Variants in MALRD1 observed in about 807,000 individuals in gnomAD.
MALRD1 encodes MAM and LDL-receptor class A domain-containing protein 1.
In MALRD1, 247 loss-of-function variants were observed where a neutral mutation model predicts 242.1. The ratio of observed to expected loss-of-function variants is 1.02; its 90% CI spans 0.92 to 1.13. The LOEUF (loss-of-function observed/expected upper bound fraction) is 1.13, where lower values mean the gene tolerates loss of function less well. MALRD1 is among the 50% of genes most tolerant of loss of function. The pLI, the probability that MALRD1 is intolerant of heterozygous loss-of-function variation, is 0.00. For synonymous variants in MALRD1, 995 were observed against 866.6 expected (o/e 1.15, Z -2.60); for missense variants, 2,989 against 2,533.1 (o/e 1.18, Z -3.86).
chr10:19,527,890 A>G (rs1589198232), intron 31 of MALRD1, among the ~76,000 whole-genome samples: 1 of 152,328 alleles, frequency 6.6e-6, no homozygotes, highest in East Asian at 1.9e-4. Flanking sequence ...GTAAAAGGCA[A>G]CAGAATGTGG....
chr10:19,357,447 A>C (rs893573505), intron 26 of MALRD1, among the ~76,000 whole-genome samples: 12 of 152,032 alleles, frequency 7.9e-5, no homozygotes, highest in Non-Finnish European at 2.9e-5. Context: ...TGGTGTAAAC[A>C]TTTGACAGTA....
chr10:19,493,110 A>G (rs1837561838), intron 30 of MALRD1: 1 of 152,094 alleles, frequency 6.6e-6, no homozygotes, highest in South Asian at 2.1e-4. Flanking sequence ...CTCTAGAACT[A>G]TTTTCATCCA....
chr10:19,063,741 A>C (rs1332973946), intron 1 of MALRD1, among the ~76,000 whole-genome samples: 1 of 150,704 alleles, frequency 6.6e-6, no homozygotes, highest in African/African-American at 2.4e-5. Flanking sequence ...GGAATTGAAG[A>C]ATGAGAACAC....
At chr10:19,551,914 C>T (rs1029026947) in intron 32 of MALRD1, among the ~76,000 whole-genome samples, 14 of 152,208 alleles carry the variant, frequency 9.2e-5, no homozygotes, top group African/African-American at 2.2e-4. Flanking sequence ...GTATGTTGAA[C>T]GAACCTTGCA....
At chr10:19,335,581 G>T (rs1374933194) in intron 24 of MALRD1, among the ~76,000 whole-genome samples, 2 of 152,076 alleles carry the variant, frequency 1.3e-5, no homozygotes, top group Non-Finnish European at 2.9e-5. Flanking sequence ...CATAGAAAAT[G>T]ATTTCAAAAG....
chr10:19,401,827 A>G (rs1846860853), intron 28 of MALRD1, among the ~76,000 whole-genome samples: 1 of 59,310 alleles, frequency 1.7e-5, no homozygotes, highest in East Asian at 6.2e-4. Context: ...ATCAAAAGAG[A>G]GTTATTTAAT....
intron 1 of MALRD1, among the ~76,000 whole-genome samples, chr10:19,050,536 T>G (rs1162094229): frequency 6.6e-6 from 1 of 152,222 alleles, no homozygotes; most frequent in African/African-American, 2.4e-5. Flanking sequence ...AGAAGAGTGA[T>G]TACTGAAGAA....
chr10:19,411,341 G>C (rs1833269282), intron 28 of MALRD1, among the ~76,000 whole-genome samples: 1 of 152,154 alleles, frequency 6.6e-6, no homozygotes, highest in African/African-American at 2.4e-5. Context: ...GCAGCAGCTA[G>C]CATTTCCCTG....
At chr10:19,242,880 T>C (rs1259068965) in intron 18 of MALRD1, among the ~76,000 whole-genome samples, 1 of 152,102 alleles carries the variant, frequency 6.6e-6, no homozygotes, top group Non-Finnish European at 1.5e-5. Flanking sequence ...AATCCATTCA[T>C]CCACTTTATA....
chr10:19,155,725 G>C (rs867808296), intron 12 of MALRD1, among the ~76,000 whole-genome samples: 5 of 152,112 alleles, frequency 3.3e-5, no homozygotes, highest in African/African-American at 9.7e-5. Context: ...TTGAGACGCA[G>C]TGTCTACACC....
chr10:19,107,697 G>T (rs1162731192), intron 5 of MALRD1, among the ~76,000 whole-genome samples: 1 of 150,818 alleles, frequency 6.6e-6, no homozygotes, highest in Non-Finnish European at 1.5e-5. Context: ...TTATTTTGTA[G>T]AAATTTGTTT....
At chr10:19,053,143 G>T (rs1258564977) in intron 1 of MALRD1, among the ~76,000 whole-genome samples, 1 of 152,152 alleles carries the variant, frequency 6.6e-6, no homozygotes, top group African/African-American at 2.4e-5. Flanking sequence ...AAGGTGAAAA[G>T]AATAGTCACC....
At chr10:19,101,760 A>G (rs1836267994) in intron 4 of MALRD1, among the ~76,000 whole-genome samples, 1 of 136,130 alleles carries the variant, frequency 7.3e-6, no homozygotes, top group Non-Finnish European at 1.5e-5. Flanking sequence ...TATATATTAT[A>G]ATATGTATAT....
At chr10:19,334,119 G>GTTGTT (rs1843502881) in intron 24 of MALRD1, among the ~76,000 whole-genome samples, 1 of 66,790 alleles carries the variant, frequency 1.5e-5, no homozygotes, top group African/African-American at 6.1e-5. Flanking sequence ...CTGTTGGTAG[G>GTTGTT]TTTTTTTTTT....
chr10:19,458,868 GT>G (rs1382790466), intron 29 of MALRD1, among the ~76,000 whole-genome samples: 1 of 150,480 alleles, frequency 6.6e-6, no homozygotes, highest in East Asian at 2.0e-4. Flanking sequence ...TAGCCAACTT[GT>G]TTTTTAGATA....
At chr10:19,205,311 G>A in intron 17 of MALRD1, 46 bp downstream of exon 17, 1 of 1,488,256 alleles carries the variant, frequency 6.7e-7, no homozygotes, top group East Asian at 2.5e-5. Context: ...TTTTGAAAGT[G>A]TTGACCTTGA....
intron 19 of MALRD1, among the ~76,000 whole-genome samples, chr10:19,278,883 CAAATGATATAATAAGT>C (rs1234661164): frequency 6.6e-6 from 1 of 152,050 alleles, no homozygotes; most frequent in East Asian, 1.9e-4. Context: ...ATATAATAAG[CAAATGATATAATAAGT>C]AAATTGCAAT....
At chr10:19,565,800 G>A (rs1564445315) in intron 32 of MALRD1, among the ~76,000 whole-genome samples, 1 of 152,126 alleles carries the variant, frequency 6.6e-6, no homozygotes, top group Non-Finnish European at 1.5e-5. Flanking sequence ...CTTGAGAAAT[G>A]TCTTGAGAAG....
intron 21 of MALRD1, among the ~76,000 whole-genome samples, chr10:19,312,573 A>G (rs185565982): frequency 6.6e-6 from 1 of 151,338 alleles, no homozygotes; most frequent in Non-Finnish European, 1.5e-5. Context: ...TTAAATTTTA[A>G]ACACAAGATA....
Sources: gnomAD v4.1 joint callset for allele counts (sites outside exome capture counted in the v4.1 genomes callset) on GRCh38, gnomAD v4.1.1 for gene constraint, MANE v1.5 for transcripts, NCBI Gene and HGNC (gene_info 2026-07-23, HGNC 2026-07-21) for gene names.